POU6F2: variants seen among roughly 807,000 people sequenced by gnomAD.
POU6F2 encodes POU domain, class 6, transcription factor 2.
Under a neutral mutation model 71.3 loss-of-function variants are expected in POU6F2, and 31 were observed. That is an observed-to-expected ratio of 0.43 (90% CI 0.33 to 0.59). The LOEUF is 0.59. Ranked by LOEUF, POU6F2 falls within the 20% of genes least tolerant of loss-of-function variation. The pLI, the probability that POU6F2 is intolerant of heterozygous loss-of-function variation, is 0.04. For missense variants in POU6F2, 783 were observed against 856.8 expected, an observed-to-expected ratio of 0.91 and a Z score of 1.07; for synonymous variants, 347 against 355.7, an observed-to-expected ratio of 0.98 and a Z score of 0.27.
intron 5 of POU6F2, chr7:39,373,567 C>T (rs1252525612): frequency 6.6e-6 from 3 of 456,254 alleles, no homozygotes; most frequent in African/African-American, 4.0e-5. Context: ...GAACCAAGCA[C>T]ACAGAAAGTG....
chr7:39,130,560 A>G (rs1792253583), intron 2 of POU6F2, among the ~76,000 whole-genome samples: 1 of 152,224 alleles, frequency 6.6e-6, no homozygotes, highest in South Asian at 2.1e-4. Context: ...ACATACAGCA[A>G]ATAAGGGATT....
chr7:39,007,083 G>C (rs890020971), intron 1 of POU6F2, among the ~76,000 whole-genome samples: 1 of 152,072 alleles, frequency 6.6e-6, no homozygotes, highest in Admixed American at 6.5e-5. Flanking sequence ...ATCCATGGGT[G>C]GCATTACAGT....
chr7:39,050,554 T>G (rs932875781), intron 1 of POU6F2, among the ~76,000 whole-genome samples: 2 of 152,156 alleles, frequency 1.3e-5, no homozygotes, highest in East Asian at 3.9e-4. Flanking sequence ...CATATTTTCC[T>G]GCTAAACTTC....
rs1252906683 is a variant in POU6F2, at chr7:39,015,607, T to A, written c.105+37549T>A. Among the ~76,000 whole-genome samples the A allele has an allele frequency of 7.0e-3, 427 of 61,436 alleles. 1 individual carries two copies. Among genetic ancestry groups the A allele is most frequent in the Non-Finnish European group, 9.8e-3 (292 of 29,908 alleles). The allele number at this position is 61,436 out of a possible 152,430, so 40.3% of individuals were successfully genotyped here. A position where few individuals can be genotyped will look rare whatever the true frequency, so the allele number is the denominator to read the frequency against. ...TGTTTTATATAGATATATCTATGTT[T>A]TATATAGATCTACATTATAGATATA... On this transcript the variant is annotated intron_variant, in intron 1 of 9. Coordinates refer to ENST00000518318, the MANE Select transcript of POU6F2 (RefSeq NM_001370959.1).
At chr7:39,232,027 A>G (rs1258198887) in intron 4 of POU6F2, among the ~76,000 whole-genome samples, 2 of 152,244 alleles carry the variant, frequency 1.3e-5, no homozygotes, top group East Asian at 1.9e-4. Context: ...TTCAAGAAAC[A>G]GTTGTAAAAA....
chr7:39,168,826 G>T (rs534729581), intron 2 of POU6F2, among the ~76,000 whole-genome samples: 1 of 152,314 alleles, frequency 6.6e-6, no homozygotes, highest in African/African-American at 2.4e-5. Context: ...GGGATAAAAT[G>T]AGATGACATT....
At chr7:39,285,862 A>G (rs1784640375) in intron 4 of POU6F2, among the ~76,000 whole-genome samples, 1 of 152,094 alleles carries the variant, frequency 6.6e-6, no homozygotes, top group South Asian at 2.1e-4. Flanking sequence ...CCCCATCCTC[A>G]TATCTAAACC....
intron 2 of POU6F2, among the ~76,000 whole-genome samples, chr7:39,171,971 G>A (rs1008846259): frequency 6.6e-6 from 1 of 152,190 alleles, no homozygotes; most frequent in Non-Finnish European, 1.5e-5. Context: ...TGGAGTGGGG[G>A]AGGAGAACAG....
intron 2 of POU6F2, among the ~76,000 whole-genome samples, chr7:39,140,686 A>G (rs967107063): frequency 1.3e-5 from 2 of 152,158 alleles, no homozygotes; most frequent in Non-Finnish European, 2.9e-5. Flanking sequence ...TCTTAACTTT[A>G]TCACATCTGC....
At chr7:39,130,509 G>A (rs1792248789) in intron 2 of POU6F2, among the ~76,000 whole-genome samples, 2 of 152,122 alleles carry the variant, frequency 1.3e-5, no homozygotes, top group African/African-American at 2.4e-5. Context: ...GTGTGCTGTG[G>A]CTTGGACTTT....
intron 1 of POU6F2, among the ~76,000 whole-genome samples, chr7:38,985,430 T>TA (rs980417698): frequency 5.9e-5 from 9 of 151,396 alleles, no homozygotes; most frequent in East Asian, 1.9e-4. Context: ...TTTTATCCAT[T>TA]AAAAAAAAAT....
At chr7:39,058,454 A>G (rs1345171034) in intron 1 of POU6F2, among the ~76,000 whole-genome samples, 1 of 152,204 alleles carries the variant, frequency 6.6e-6, no homozygotes, top group African/African-American at 2.4e-5. Context: ...TTTTGGGAAC[A>G]CATTTCCATA....
At chr7:39,197,623 C>T (rs1020289752) in intron 2 of POU6F2, among the ~76,000 whole-genome samples, 2 of 152,182 alleles carry the variant, frequency 1.3e-5, no homozygotes, top group Non-Finnish European at 2.9e-5. Context: ...GTTGAGGGTG[C>T]CTCCTAGCAA....
intron 2 of POU6F2, 110 bp from the exon 3 acceptor site, chr7:39,204,125 T>G: frequency 1.1e-6 from 1 of 902,260 alleles, no homozygotes; most frequent in Non-Finnish European, 1.8e-6. Flanking sequence ...ATTTGAGCAC[T>G]GGAGATATTG....
At chr7:39,387,903 A>T (rs1033019007) in intron 5 of POU6F2, among the ~76,000 whole-genome samples, 1 of 152,204 alleles carries the variant, frequency 6.6e-6, no homozygotes, top group Admixed American at 6.5e-5. Flanking sequence ...CTCCTAGTTC[A>T]TGGAGGGAAA....
At chr7:39,157,553 C>A (rs1035929428) in intron 2 of POU6F2, among the ~76,000 whole-genome samples, 33 of 152,116 alleles carry the variant, frequency 2.2e-4, no homozygotes, top group South Asian at 1.0e-3. Flanking sequence ...AAGTGGCATC[C>A]TTCATATAAA....
intron 2 of POU6F2, among the ~76,000 whole-genome samples, chr7:39,108,503 G>A (rs2128725065): frequency 6.6e-6 from 1 of 152,218 alleles, no homozygotes; most frequent in South Asian, 2.1e-4. Context: ...TCTGATCAGT[G>A]GCCCAGGGGA....
intron 4 of POU6F2, among the ~76,000 whole-genome samples, chr7:39,258,352 A>G (rs1381363514): frequency 6.6e-6 from 1 of 152,222 alleles, no homozygotes; most frequent in East Asian, 1.9e-4. Flanking sequence ...AAAGAGAAAT[A>G]TTAAAAACTG....
intron 2 of POU6F2, among the ~76,000 whole-genome samples, chr7:39,155,786 AT>A (rs1326101386): frequency 1.3e-5 from 2 of 152,162 alleles, no homozygotes; most frequent in Non-Finnish European, 2.9e-5. Flanking sequence ...AAAGAGAGAA[AT>A]TTATTTTTAA....
Sources: allele counts gnomAD v4.1 joint callset (sites outside exome capture counted in the v4.1 genomes callset), GRCh38; gene constraint gnomAD v4.1.1; transcripts MANE v1.5; gene names NCBI Gene and HGNC (gene_info 2026-07-23, HGNC 2026-07-21).